Variants in ARHGEF28 observed in about 807,000 individuals in gnomAD.
The protein encoded by ARHGEF28 is 190 kDa guanine nucleotide exchange factor.
In ARHGEF28, 152 loss-of-function variants were observed where a neutral mutation model predicts 206.6. That is an observed-to-expected ratio of 0.74 (90% CI 0.64 to 0.84). The LOEUF is 0.84. ARHGEF28 is among the 40% of genes least tolerant of loss of function. The probability of loss-of-function intolerance (pLI) is 0.00; values close to 1 mark genes in which losing one functional copy is unlikely to be tolerated. For synonymous variants in ARHGEF28, 763 were observed against 776.4 expected, an observed-to-expected ratio of 0.98 and a Z score of 0.29; for missense variants, 2,028 against 2,073.2, an observed-to-expected ratio of 0.98 and a Z score of 0.42.
chr5:73,718,980 CAG>C (rs979428352), intron 2 of ARHGEF28, among the ~76,000 whole-genome samples: 6 of 152,182 alleles, frequency 3.9e-5, no homozygotes, highest in African/African-American at 1.4e-4. Flanking sequence ...CCCCAAATCA[CAG>C]AGAGTCAGCT....
intron 9 of ARHGEF28, among the ~76,000 whole-genome samples, chr5:73,797,148 T>C (rs1488295549): frequency 6.6e-6 from 1 of 152,242 alleles, no homozygotes; most frequent in Non-Finnish European, 1.5e-5. Context: ...AGCACAACTT[T>C]AGTCCAGTGA....
intron 35 of ARHGEF28, among the ~76,000 whole-genome samples, chr5:73,919,527 C>G (rs1032788330): frequency 2.6e-5 from 4 of 152,188 alleles, no homozygotes; most frequent in Non-Finnish European, 5.9e-5. Context: ...CATGACTGAA[C>G]ATCACCTCCA....
chr5:73,803,164 A>T (rs149670929), intron 9 of ARHGEF28: 16 of 153,526 alleles, frequency 1.0e-4, no homozygotes, highest in African/African-American at 3.9e-4. Context: ...ACATCACCAA[A>T]TAATTGATTT....
chr5:73,853,448 G>A (rs994154106), intron 14 of ARHGEF28, among the ~76,000 whole-genome samples: 1 of 152,188 alleles, frequency 6.6e-6, no homozygotes. Flanking sequence ...ACTTTGAAAC[G>A]TTTTAAACGT....
At chr5:73,910,724 A>T (rs139374505) in intron 34 of ARHGEF28, among the ~76,000 whole-genome samples, 1,579 of 152,316 alleles carry the variant, frequency 0.01, 89 homozygotes, top group Admixed American at 0.096. Context: ...GATATAGTAA[A>T]TTCAAAATCC....
intron 22 of ARHGEF28, among the ~76,000 whole-genome samples, chr5:73,875,498 C>T (rs892916946): frequency 3.4e-5 from 5 of 148,232 alleles, no homozygotes; most frequent in Non-Finnish European, 7.5e-5. Context: ...CTTGCCCATG[C>T]CTATGTCCTG....
chr5:73,764,535 G>A (rs955194280), intron 4 of ARHGEF28, among the ~76,000 whole-genome samples: 2 of 152,230 alleles, frequency 1.3e-5, no homozygotes, highest in African/African-American at 4.8e-5. Context: ...ATGTGTGTGT[G>A]ATGGGTGTTT....
intron 2 of ARHGEF28, among the ~76,000 whole-genome samples, chr5:73,718,100 G>A (rs1561354561): frequency 6.6e-6 from 1 of 152,100 alleles, no homozygotes; most frequent in Non-Finnish European, 1.5e-5. Flanking sequence ...TCGAATTCCT[G>A]ACCTCAAGGG....
chr5:73,787,701 CAT>C (rs1260382706), intron 7 of ARHGEF28, among the ~76,000 whole-genome samples: 1 of 152,140 alleles, frequency 6.6e-6, no homozygotes, highest in East Asian at 1.9e-4. Context: ...CTGCAAAGGA[CAT>C]GAACTCATAC....
chr5:73,767,386 C>G (rs1283660403), intron 4 of ARHGEF28, among the ~76,000 whole-genome samples: 2 of 152,074 alleles, frequency 1.3e-5, no homozygotes, highest in East Asian at 3.9e-4. Context: ...TTGGAACTTC[C>G]TAGAGACTTG....
chr5:73,784,768 A>G (rs1161452540), intron 7 of ARHGEF28, among the ~76,000 whole-genome samples: 1 of 152,216 alleles, frequency 6.6e-6, no homozygotes, highest in Non-Finnish European at 1.5e-5. Context: ...ATAAAGTTTA[A>G]TTTATAAATT....
intron 1 of ARHGEF28, among the ~76,000 whole-genome samples, chr5:73,637,671 T>G (rs1043536060): frequency 3.3e-5 from 5 of 152,220 alleles, no homozygotes; most frequent in African/African-American, 1.2e-4. Context: ...TGTTATTTGA[T>G]TTTTTGAGCC....
At chr5:73,726,287 A>T (rs1371192610) in intron 2 of ARHGEF28, among the ~76,000 whole-genome samples, 1 of 152,208 alleles carries the variant, frequency 6.6e-6, no homozygotes, top group African/African-American at 2.4e-5. Context: ...CCTGTCTGCC[A>T]GGTATGACTA....
chr5:73,680,392 G>A (rs1157310541), intron 1 of ARHGEF28, among the ~76,000 whole-genome samples: 1 of 119,498 alleles, frequency 8.4e-6, no homozygotes, highest in Non-Finnish European at 1.6e-5. Context: ...CTGAGATTGA[G>A]CCACTGTATT....
intron 11 of ARHGEF28, among the ~76,000 whole-genome samples, chr5:73,845,790 T>C (rs1172405552): frequency 2.0e-5 from 3 of 148,612 alleles, no homozygotes; most frequent in Non-Finnish European, 4.5e-5. Flanking sequence ...AGCCCAGGAG[T>C]TTGAGACCAG....
chr5:73,732,924 A>G lies in ARHGEF28; in HGVS notation c.34-16913A>G, dbSNP rs1402828090. Among the ~76,000 whole-genome samples the G allele has an allele frequency of 3.3e-5, 5 of 152,330 alleles. No individual in the cohort carries two copies. The East Asian group carries it at 9.6e-4, about 29-fold the overall frequency. ...ACTTTGAGTCCTTTTTGTGCATAAGAATATTTGAGGGAAATTTGAGAGGAA... is the reference window on the plus strand; with the variant it reads ...ACTTTGAGTCCTTTTTGTGCATAAGGATATTTGAGGGAAATTTGAGAGGAA... On this transcript the variant is annotated intron_variant, in intron 2 of 35. Transcript: ENST00000513042.
chr5:73,781,173 G>A (rs1237226639), intron 7 of ARHGEF28, among the ~76,000 whole-genome samples: 2 of 152,060 alleles, frequency 1.3e-5, no homozygotes, highest in South Asian at 2.1e-4. Flanking sequence ...TTGTCATCAC[G>A]AGGGTCGGGG....
chr5:73,873,180 G>A lies in ARHGEF28; in HGVS notation c.2748G>A (p.Gln916=), dbSNP rs1418313279. 2 of 1,612,272 alleles carry A rather than the reference G, an allele frequency of 1.2e-6. No individual in the cohort carries two copies. Among genetic ancestry groups the A allele is most frequent in the South Asian group, 1.1e-5 (1 of 90,536 alleles). ...TCTACAGTATGAAGGAACGAAGGCA[G>A]GAATCCTGTGCTGGCAGCGACAGGA... ...HFFYSMKERR[Q]ESCAGSDRNF... The change falls in exon 22 of 36, where the codon CAG becomes CAA. Residue 916 remains glutamine, a synonymous_variant. Coordinates refer to ENST00000513042, the MANE Select transcript of ARHGEF28 (RefSeq NM_001177693.2).
At chr5:73,692,367 C>G (rs549149593) in intron 2 of ARHGEF28, among the ~76,000 whole-genome samples, 15 of 152,288 alleles carry the variant, frequency 9.8e-5, no homozygotes, top group African/African-American at 3.6e-4. Flanking sequence ...AGTGTAATCA[C>G]TTTTTTCTCT....
Sources: gnomAD v4.1 joint callset for allele counts (sites outside exome capture counted in the v4.1 genomes callset) on GRCh38, gnomAD v4.1.1 for gene constraint, MANE v1.5 for transcripts, NCBI Gene and HGNC (gene_info 2026-07-23, HGNC 2026-07-21) for gene names.